The following PRKG1 variants were observed in gnomAD, a reference collection of about 807,000 sequenced individuals.
PRKG1 encodes the protein protein kinase cGMP-dependent 1.
PRKG1 carries 35 observed loss-of-function variants against 88.1 expected under a neutral mutation model. That is an observed-to-expected ratio of 0.40 (90% CI 0.30 to 0.53). The LOEUF is 0.53. Ranked by LOEUF, PRKG1 falls within the 20% of genes least tolerant of loss-of-function variation. The pLI, the probability that PRKG1 is intolerant of heterozygous loss-of-function variation, is 0.59. For missense variants in PRKG1, 540 were observed against 839.8 expected (o/e 0.64, Z 4.41); for synonymous variants, 303 against 292.5 (o/e 1.04, Z -0.37).
chr10:51,761,419 T>C (rs17546341), intron 3 of PRKG1, among the ~76,000 whole-genome samples: 10,926 of 152,272 alleles, frequency 0.072, 450 homozygotes, highest in East Asian at 0.091. Context: ...TTTGAAAGTA[T>C]CTAACTGTGT....
At chr10:51,736,460 A>G (rs976030412) in intron 3 of PRKG1, among the ~76,000 whole-genome samples, 1 of 152,176 alleles carries the variant, frequency 6.6e-6, no homozygotes, top group African/African-American at 2.4e-5. Flanking sequence ...CTTTATTATG[A>G]AACATTTCAA....
chr10:51,162,571 GTA>G (rs1846391815), intron 2 of PRKG1, among the ~76,000 whole-genome samples: 1 of 152,112 alleles, frequency 6.6e-6, no homozygotes, highest in African/African-American at 2.4e-5. Context: ...TTATTATTGA[GTA>G]TATAGTTACA....
intron 5 of PRKG1, among the ~76,000 whole-genome samples, chr10:52,032,248 A>G (rs1234245623): frequency 6.6e-6 from 1 of 152,064 alleles, no homozygotes; most frequent in Non-Finnish European, 1.5e-5. Flanking sequence ...TCTTTCTTAG[A>G]CTAAGGAAAA....
At chr10:52,144,607 T>C (rs1837678390) in intron 8 of PRKG1, among the ~76,000 whole-genome samples, 1 of 152,104 alleles carries the variant, frequency 6.6e-6, no homozygotes, top group Non-Finnish European at 1.5e-5. Context: ...GGTCAGGAGT[T>C]CGAGACCAGC....
At chr10:51,467,920 T>A (rs1024044917) in intron 3 of PRKG1, 84 bp downstream of exon 3, 1 of 1,070,968 alleles carries the variant, frequency 9.3e-7, no homozygotes, top group Non-Finnish European at 1.4e-6. Flanking sequence ...CCCATTCATT[T>A]AATCTTTATA....
intron 4 of PRKG1, among the ~76,000 whole-genome samples, chr10:51,846,364 G>A (rs544918443): frequency 1.3e-5 from 2 of 152,130 alleles, no homozygotes; most frequent in Non-Finnish European, 2.9e-5. Context: ...TTTAACTCTG[G>A]TGGAGTTTCA....
chr10:51,661,058 CAA>C (rs1329166448), intron 3 of PRKG1, among the ~76,000 whole-genome samples: 1 of 151,754 alleles, frequency 6.6e-6, no homozygotes, highest in African/African-American at 2.4e-5. Flanking sequence ...ATGGATTTTC[CAA>C]AAAGTGCTTG....
chr10:51,596,120 C>T (rs1013541234), intron 3 of PRKG1, among the ~76,000 whole-genome samples: 1 of 152,276 alleles, frequency 6.6e-6, no homozygotes, highest in African/African-American at 2.4e-5. Flanking sequence ...TGAGTCACCT[C>T]GCCTGGCCCT....
At chr10:51,735,284 C>T (rs143998225) in intron 3 of PRKG1, among the ~76,000 whole-genome samples, 1 of 151,984 alleles carries the variant, frequency 6.6e-6, no homozygotes, top group East Asian at 1.9e-4. Flanking sequence ...TTTCTAAGTC[C>T]TTGGTTTAGA....
rs569912005 is a variant in PRKG1, at chr10:51,370,441, T to A, written c.479-97282T>A. On this transcript the variant is annotated intron_variant, in intron 2 of 17. Coordinates refer to ENST00000373980, the MANE Select transcript of PRKG1 (RefSeq NM_006258.4). ...GAGGTTGAAAATAATAATAATAAAA[T>A]AATAATATGGGGTTAAGAAAGAGAG... Among the ~76,000 whole-genome samples, 14 of 150,938 alleles carry A rather than the reference T, an allele frequency of 9.3e-5. No homozygotes were observed. The South Asian group carries it at 2.9e-3, about 32-fold the overall frequency.
chr10:52,280,726 A>T (rs1024049553), intron 12 of PRKG1, 63 bp from the exon 13 acceptor site: 25 of 1,544,750 alleles, frequency 1.6e-5, no homozygotes, highest in Non-Finnish European at 2.2e-5. Context: ...GAGAAAAAAA[A>T]AATAAAGCCA....
intron 3 of PRKG1, among the ~76,000 whole-genome samples, chr10:51,797,755 T>A (rs1839055463): frequency 6.6e-6 from 1 of 151,638 alleles, no homozygotes; most frequent in South Asian, 2.1e-4. Context: ...AACTTTTTCA[T>A]CATCCTAAAC....
chr10:52,175,417 CATATCT>C (rs1321135111), intron 9 of PRKG1, among the ~76,000 whole-genome samples: 37 of 152,196 alleles, frequency 2.4e-4, no homozygotes, highest in Middle Eastern at 3.4e-3. Flanking sequence ...AGGTTGATTC[CATATCT>C]TGGCTATTGT....
At chr10:52,237,757 C>T (rs1453140706) in intron 9 of PRKG1, among the ~76,000 whole-genome samples, 8 of 102,720 alleles carry the variant, frequency 7.8e-5, no homozygotes, top group South Asian at 4.6e-4. Flanking sequence ...AGGTAATTTA[C>T]AGATTCAATG....
At chr10:51,075,930 C>A (rs911970176) in intron 1 of PRKG1, among the ~76,000 whole-genome samples, 1 of 152,152 alleles carries the variant, frequency 6.6e-6, no homozygotes, top group Non-Finnish European at 1.5e-5. Flanking sequence ...TAGATAATAA[C>A]GTAATTGATA....
intron 2 of PRKG1, among the ~76,000 whole-genome samples, chr10:51,179,577 G>T (rs963539716): frequency 5.9e-5 from 9 of 152,172 alleles, no homozygotes; most frequent in Admixed American, 1.3e-4. Context: ...GAAAGTTTTT[G>T]ATTTTATTCA....
At chr10:52,258,580 C>A (rs778328346) in intron 10 of PRKG1, among the ~76,000 whole-genome samples, 40 of 151,732 alleles carry the variant, frequency 2.6e-4, no homozygotes, top group Middle Eastern at 3.4e-3. Context: ...TTGTTATTGC[C>A]CAGAATTACT....
intron 3 of PRKG1, among the ~76,000 whole-genome samples, chr10:51,722,776 A>G (rs1842043834): frequency 1.3e-5 from 2 of 152,342 alleles, no homozygotes; most frequent in East Asian, 1.9e-4. Flanking sequence ...ACATTTTTCA[A>G]TGTTGATAGT....
At chr10:51,746,330 G>A (rs1051371808) in intron 3 of PRKG1, among the ~76,000 whole-genome samples, 3 of 151,170 alleles carry the variant, frequency 2.0e-5, no homozygotes, top group African/African-American at 7.3e-5. Flanking sequence ...CCTGCTACCT[G>A]CATACCAACC....
Sources: gnomAD v4.1 joint callset for allele counts (sites outside exome capture counted in the v4.1 genomes callset) on GRCh38, gnomAD v4.1.1 for gene constraint, MANE v1.5 for transcripts, NCBI Gene and HGNC (gene_info 2026-07-23, HGNC 2026-07-21) for gene names.